Variants in LIMCH1 observed in about 807,000 individuals in gnomAD.
LIMCH1 encodes the protein LIM and calponin homology domains-containing protein 1.
LIMCH1 carries 113 observed loss-of-function variants against 176.5 expected under a neutral mutation model. The ratio of observed to expected loss-of-function variants is 0.64; its 90% CI spans 0.55 to 0.75. The LOEUF (loss-of-function observed/expected upper bound fraction) is 0.75, where lower values mean the gene tolerates loss of function less well. Among genes scored for constraint, LIMCH1 ranks in the 30% least tolerant of loss-of-function variants. The probability of loss-of-function intolerance (pLI) is 0.00; values close to 1 mark genes in which losing one functional copy is unlikely to be tolerated. For missense variants in LIMCH1, 1,674 were observed against 1,814.9 expected, an observed-to-expected ratio of 0.92 and a Z score of 1.41; for synonymous variants, 619 against 645.9, an observed-to-expected ratio of 0.96 and a Z score of 0.63.
At chr4:41,536,628 T>C (rs1382703159), upstream of LIMCH1, among the ~76,000 whole-genome samples, 1 of 152,140 alleles carries the variant, frequency 6.6e-6, no homozygotes, top group African/African-American at 2.4e-5. Context: ...TGGTACTTTT[T>C]CCTCACAAAA....
intron 1 of LIMCH1, among the ~76,000 whole-genome samples, chr4:41,365,591 C>T (rs894517380): frequency 2.6e-5 from 4 of 152,194 alleles, no homozygotes; most frequent in African/African-American, 9.7e-5. Context: ...GTTAACTTTG[C>T]AGATGGTCCT....
intron 13 of LIMCH1, among the ~76,000 whole-genome samples, chr4:41,636,432 A>G (rs1272288468): frequency 7.3e-6 from 1 of 137,116 alleles, no homozygotes; most frequent in Non-Finnish European, 1.5e-5. Context: ...AGCTCTAATT[A>G]TCTTCCCCTT....
intron 1 of LIMCH1, among the ~76,000 whole-genome samples, chr4:41,543,385 A>T (rs906115166): frequency 1.6e-4 from 25 of 152,136 alleles, no homozygotes; most frequent in African/African-American, 6.0e-4. Flanking sequence ...TCCTGTGGAG[A>T]TAGTGTTTTT....
intron 1 of LIMCH1, among the ~76,000 whole-genome samples, chr4:41,545,407 G>GT (rs1349672997): frequency 6.6e-6 from 1 of 152,132 alleles, no homozygotes; most frequent in African/African-American, 2.4e-5. Flanking sequence ...GGACTTGAGT[G>GT]TTTTTTTCCT....
chr4:41,669,128 T>A (rs181058971), intron 21 of LIMCH1, among the ~76,000 whole-genome samples: 1 of 152,284 alleles, frequency 6.6e-6, no homozygotes. Context: ...GGGTTCAAAT[T>A]TTCATGTGTC....
intron 1 of LIMCH1, among the ~76,000 whole-genome samples, chr4:41,466,251 C>G (rs1275176436): frequency 1.3e-5 from 2 of 152,170 alleles, no homozygotes; most frequent in African/African-American, 4.8e-5. Context: ...GCCACTGCGC[C>G]CATCCAGTCT....
chr4:41,366,101 C>A (rs2154093241), intron 1 of LIMCH1, among the ~76,000 whole-genome samples: 1 of 152,320 alleles, frequency 6.6e-6, no homozygotes, highest in Non-Finnish European at 1.5e-5. Context: ...GGCAGCTTCT[C>A]TTTTTGCTTT....
rs1256720228 is a variant in LIMCH1, at chr4:41,613,238, T to TA, written c.10-228_10-227insA. 40 of 943,096 alleles carry TA rather than the reference T, an allele frequency of 4.2e-5. No homozygotes were observed. The African/African-American group carries it at 6.7e-4, about 16-fold the overall frequency. 58.4% of individuals were successfully genotyped at this position (943,096 alleles called of 1,614,324 possible). ...GAATATGAGTTATTTGGGGATTTTT[T>TA]TAAAAAAAACGTTGTGCATGATTTT... is the stretch of plus-strand genomic sequence containing the variant. On this transcript the variant is annotated intron_variant, in intron 4 of 31. Transcript: ENST00000503057.
chr4:41,682,485 T>C, intron 26 of LIMCH1, 25 bp downstream of exon 26: 1 of 1,607,370 alleles, frequency 6.2e-7, no homozygotes, highest in Non-Finnish European at 8.5e-7. Context: ...CAAGCCACCA[T>C]GAAAATGTAC....
chr4:41,472,002 T>C (rs1300943047), intron 1 of LIMCH1, among the ~76,000 whole-genome samples: 1 of 152,170 alleles, frequency 6.6e-6, no homozygotes, highest in African/African-American at 2.4e-5. Flanking sequence ...GTAAACTGGG[T>C]GCCTTATATG....
At chr4:41,385,592 C>A (rs2056382550) in intron 1 of LIMCH1, among the ~76,000 whole-genome samples, 1 of 151,936 alleles carries the variant, frequency 6.6e-6, no homozygotes, top group Admixed American at 6.6e-5. Flanking sequence ...GAAAGGAAAG[C>A]AAAAAAATCA....
At chr4:41,459,400 A>C (rs62411125) in intron 1 of LIMCH1, among the ~76,000 whole-genome samples, 26 of 151,964 alleles carry the variant, frequency 1.7e-4, no homozygotes, top group Non-Finnish European at 3.5e-4. Flanking sequence ...TCCTGGGCTT[A>C]AGTAATTCTC....
intron 1 of LIMCH1, among the ~76,000 whole-genome samples, chr4:41,368,414 A>G (rs1460081891): frequency 1.3e-5 from 2 of 152,230 alleles, no homozygotes; most frequent in Admixed American, 6.5e-5. Flanking sequence ...GCAGGGGGAC[A>G]GAGAGATTAA....
At chr4:41,491,682 C>A (rs2071048180) in intron 1 of LIMCH1, among the ~76,000 whole-genome samples, 1 of 150,224 alleles carries the variant, frequency 6.7e-6, no homozygotes, top group South Asian at 2.1e-4. Flanking sequence ...TCCTCACTTC[C>A]TAGATGGGGT....
chr4:41,685,840 C>T lies in LIMCH1; in HGVS notation c.4088+10C>T, dbSNP rs879026090. ...CCAGTGAAAGGCGGAAGTGAGTAAC[C>T]AGACACGATGGTTGTGGGATTCCCT... On this transcript the variant is annotated intron_variant, in intron 28 of 31. Coordinates refer to ENST00000503057, the MANE Select transcript of LIMCH1 (RefSeq NM_001330672.2). 1.9e-6 allele frequency: 3 copies of T among 1,610,080 alleles called. No individual in the cohort carries two copies. The highest frequency in any genetic ancestry group is 8.5e-7 in the Non-Finnish European group (1 of 1,178,498).
chr4:41,395,871 A>G (rs537407477), intron 1 of LIMCH1, among the ~76,000 whole-genome samples: 31 of 152,320 alleles, frequency 2.0e-4, no homozygotes, highest in African/African-American at 6.5e-4. Context: ...AGACAGTGAT[A>G]AGTGTCATGG....
At position 41,650,500 on chromosome 4, in the gene LIMCH1, G is replaced by A; in HGVS notation, c.2928G>A (p.Met976Ile). ...APAHSLTKSQMFEGVARVHGS... is the reference protein window; with the variant it reads ...APAHSLTKSQIFEGVARVHGS... ...CCCACTCCTTAACCAAATCCCAGATGTTTGAAGGTGTGGCCAGAGTGCACG... is the reference window on the plus strand; with the variant it reads ...CCCACTCCTTAACCAAATCCCAGATATTTGAAGGTGTGGCCAGAGTGCACG... The change falls in exon 18 of 32, where the codon ATG (methionine) becomes ATA (isoleucine). Residue 976 changes from methionine to isoleucine, a missense_variant. Transcript: ENST00000503057. The A allele has an allele frequency of 6.2e-7, 1 of 1,614,096 alleles. No homozygotes were observed. The highest frequency in any genetic ancestry group is 8.5e-7 in the Non-Finnish European group (1 of 1,180,020).
Position 41,567,476 on chromosome 4 carries a change from G to A in LIMCH1, c.-241+29126G>A, listed in dbSNP as rs115899581. 5.3e-3 allele frequency among the ~76,000 whole-genome samples: 804 copies of A among 152,256 alleles called. 7 individuals are homozygous for A. The highest frequency in any genetic ancestry group is 0.019 in the African/African-American group (784 of 41,548). Reference sequence around the variant, plus strand: ...AAAAATAATCATGACAAGGTCAATAGTAGCAGCAATAGTAGTAATATATGA... The same window carrying A: ...AAAAATAATCATGACAAGGTCAATAATAGCAGCAATAGTAGTAATATATGA... On this transcript the variant is annotated intron_variant, in intron 1 of 31. Coordinates refer to ENST00000503057, the MANE Select transcript of LIMCH1 (RefSeq NM_001330672.2).
chr4:41,524,469 T>C lies in LIMCH1; in HGVS notation c.228T>C (p.Ile76=), dbSNP rs760017818. The C allele has an allele frequency of 2.5e-6, 4 of 1,612,570 alleles. No individual in the cohort carries two copies. The Admixed American group carries it at 6.7e-5, about 27-fold the overall frequency. ...AGATCAATAGATTGCCTACCCCCATTGCAGGACTGGTGAGTACGTGGAATT... is the reference window on the plus strand; with the variant it reads ...AGATCAATAGATTGCCTACCCCCATCGCAGGACTGGTGAGTACGTGGAATT... The change falls in exon 3 of 27, where the codon ATT becomes ATC. Residue 76 remains isoleucine, a synonymous_variant. Coordinates refer to the LIMCH1 transcript ENST00000313860.
Sources: allele counts gnomAD v4.1 joint callset (sites outside exome capture counted in the v4.1 genomes callset), GRCh38; gene constraint gnomAD v4.1.1; transcripts MANE v1.5; gene names NCBI Gene and HGNC (gene_info 2026-07-23, HGNC 2026-07-21).